AGMO: variants seen among roughly 807,000 people sequenced by gnomAD.
AGMO encodes the protein glyceryl-ether monooxygenase.
Under a neutral mutation model 60.2 loss-of-function variants are expected in AGMO, and 75 were observed. The observed-to-expected ratio is 1.25, with a 90% CI of 1.03 to 1.51. The LOEUF is 1.51. AGMO is among the 40% of genes most tolerant of loss of function. The pLI is 0.00. For missense variants in AGMO, 763 were observed against 525.5 expected, an observed-to-expected ratio of 1.45 and a Z score of -4.42; for synonymous variants, 261 against 177.1, an observed-to-expected ratio of 1.47 and a Z score of -3.76.
rs535174620 is a variant in AGMO at position 15,394,263 on chromosome 7, A to G, written c.610-84T>C. 93 of 1,051,492 alleles carry G rather than the reference A, an allele frequency of 8.8e-5. No homozygotes were observed. The East Asian group carries it at 2.1e-3, about 24-fold the overall frequency. 65.1% of individuals were successfully genotyped at this position (1,051,492 alleles called of 1,614,324 possible). ...ATAAATGCTCACATTAGAAACTCACATAAATTAAGAGATATTGCGAATTTC... is the reference window on the plus strand; with the variant it reads ...ATAAATGCTCACATTAGAAACTCACGTAAATTAAGAGATATTGCGAATTTC... On this transcript the variant is annotated intron_variant, in intron 5 of 12. Transcript: ENST00000342526.
intron 3 of AGMO, among the ~76,000 whole-genome samples, chr7:15,466,129 C>T (rs1473215050): frequency 6.6e-6 from 1 of 152,056 alleles, no homozygotes; most frequent in African/African-American, 2.4e-5. Context: ...CTAATTGTTG[C>T]TGGTACAATG....
intron 3 of AGMO, among the ~76,000 whole-genome samples, chr7:15,448,276 A>G (rs1048509750): frequency 1.3e-5 from 2 of 152,182 alleles, no homozygotes; most frequent in African/African-American, 4.8e-5. Flanking sequence ...TTAGAAGCTT[A>G]GGGAACGGGA....
chr7:15,464,058 C>A (rs896582990), intron 3 of AGMO, among the ~76,000 whole-genome samples: 1 of 152,156 alleles, frequency 6.6e-6, no homozygotes, highest in South Asian at 2.1e-4. Context: ...GTAATAGCCA[C>A]GGAGATTTCT....
At chr7:15,548,202 T>C (rs929005545) in intron 2 of AGMO, among the ~76,000 whole-genome samples, 13 of 151,884 alleles carry the variant, frequency 8.6e-5, no homozygotes, top group Admixed American at 1.3e-4. Flanking sequence ...TAGATAAAAC[T>C]ACAAAGATGG....
chr7:15,470,812 CATAA>C (rs1247832202), intron 3 of AGMO, among the ~76,000 whole-genome samples: 30 of 152,040 alleles, frequency 2.0e-4, no homozygotes, highest in Admixed American at 1.9e-3. Context: ...TACCAATAAA[CATAA>C]ATACTTACTT....
the AGMO span, among the ~76,000 whole-genome samples, chr7:15,158,194 G>A: frequency 1.3e-4 from 20 of 152,142 alleles, no homozygotes; most frequent in African/African-American, 3.9e-4. Context: ...CATACCTACC[G>A]TGGCTAATGA....
At chr7:15,556,491 C>A (rs1049717332) in intron 2 of AGMO, among the ~76,000 whole-genome samples, 1 of 151,850 alleles carries the variant, frequency 6.6e-6, no homozygotes. Flanking sequence ...CCATTAAAAA[C>A]AAACATACTG....
intron 12 of AGMO, among the ~76,000 whole-genome samples, chr7:15,279,542 T>C (rs1477349959): frequency 6.6e-6 from 1 of 152,172 alleles, no homozygotes; most frequent in African/African-American, 2.4e-5. Context: ...CTCAAGGTCG[T>C]GGATTGGAGG....
At chr7:15,486,452 GC>G (rs1161996722) in intron 3 of AGMO, among the ~76,000 whole-genome samples, 1 of 152,042 alleles carries the variant, frequency 6.6e-6, no homozygotes, top group Non-Finnish European at 1.5e-5. Flanking sequence ...GTTTGAGGGA[GC>G]AAAACATTCA....
chr7:15,421,486 A>C (rs1780922489), intron 4 of AGMO, among the ~76,000 whole-genome samples: 1 of 152,164 alleles, frequency 6.6e-6, no homozygotes, highest in Non-Finnish European at 1.5e-5. Flanking sequence ...GCCCAGAGAA[A>C]AGTGATGCAT....
At chr7:15,227,554 C>T (rs1782125469) in intron 12 of AGMO, among the ~76,000 whole-genome samples, 2 of 151,330 alleles carry the variant, frequency 1.3e-5, no homozygotes, top group Admixed American at 1.3e-4. Context: ...AAAACTCCCT[C>T]AGCTTATAAA....
intron 12 of AGMO, among the ~76,000 whole-genome samples, chr7:15,287,610 T>C (rs1273247028): frequency 6.6e-6 from 1 of 152,220 alleles, no homozygotes; most frequent in Non-Finnish European, 1.5e-5. Flanking sequence ...GTGTACTATA[T>C]TTTAAAAGTG....
chr7:15,447,749 C>T (rs940129109), intron 3 of AGMO, among the ~76,000 whole-genome samples: 5 of 151,808 alleles, frequency 3.3e-5, no homozygotes, highest in Admixed American at 2.0e-4. Flanking sequence ...GACAGGGTTT[C>T]GCCATGTTGG....
the AGMO span, among the ~76,000 whole-genome samples, chr7:15,142,364 A>G: frequency 1.3e-5 from 2 of 152,164 alleles, no homozygotes; most frequent in East Asian, 1.9e-4. Flanking sequence ...CTTATGAACC[A>G]TAACAGTCAT....
intron 12 of AGMO, among the ~76,000 whole-genome samples, chr7:15,347,168 ACTGT>A (rs1242552878): frequency 1.3e-5 from 2 of 151,990 alleles, no homozygotes; most frequent in East Asian, 1.9e-4. Flanking sequence ...TTCCAATGTT[ACTGT>A]CTTTTTGTAT....
At chr7:15,365,743 A>G in intron 11 of AGMO, 124 bp from the exon 12 acceptor site, 1 of 689,424 alleles carries the variant, frequency 1.5e-6, no homozygotes, top group Non-Finnish European at 2.4e-6. Flanking sequence ...TTTGAAAAGC[A>G]TGTCCCCTGA....
intron 3 of AGMO, among the ~76,000 whole-genome samples, chr7:15,529,047 C>T (rs1463203433): frequency 1.3e-5 from 2 of 151,986 alleles, no homozygotes; most frequent in African/African-American, 2.4e-5. Flanking sequence ...ACAAAAAAAA[C>T]CTTGTGGATA....
chr7:15,248,179 C>CATATATATATACATAT (rs1554401206), intron 12 of AGMO, among the ~76,000 whole-genome samples: 7 of 32,658 alleles, frequency 2.1e-4, no homozygotes, highest in South Asian at 1.4e-3. Flanking sequence ...GATCCAGCAC[C>CATATATATATACATAT]ATATATATAT....
chr7:15,361,093 C>T (rs913438691), intron 12 of AGMO, among the ~76,000 whole-genome samples: 9 of 151,956 alleles, frequency 5.9e-5, no homozygotes, highest in African/African-American at 2.2e-4. Context: ...TGAATAGGAG[C>T]CATAGGACAC....
Sources: allele counts gnomAD v4.1 joint callset (sites outside exome capture counted in the v4.1 genomes callset), GRCh38; gene constraint gnomAD v4.1.1; transcripts MANE v1.5; gene names NCBI Gene and HGNC (gene_info 2026-07-23, HGNC 2026-07-21).